Variants in SYT13 observed in about 807,000 individuals in gnomAD.
The protein encoded by SYT13 is synaptotagmin-13.
SYT13 carries 21 observed loss-of-function variants against 38.6 expected under a neutral mutation model. The observed-to-expected ratio is 0.54, with a 90% confidence interval of 0.39 to 0.78. SYT13 has a LOEUF of 0.78. SYT13 is among the 30% of genes least tolerant of loss of function. The pLI is 0.00. For synonymous variants in SYT13, 241 were observed against 237.6 expected, an observed-to-expected ratio of 1.01 and a Z score of -0.13; for missense variants, 495 against 548.7, an observed-to-expected ratio of 0.90 and a Z score of 0.98.
chr11:45,244,877 C>A (rs765973582), intron 5 of SYT13, among the ~76,000 whole-genome samples: 16 of 152,186 alleles, frequency 1.1e-4, no homozygotes, highest in African/African-American at 3.9e-4. Context: ...AGGGAACCAC[C>A]TTTGCTACAT....
intron 1 of SYT13, among the ~76,000 whole-genome samples, chr11:45,268,883 A>G (rs1854916077): frequency 6.6e-6 from 1 of 152,170 alleles, no homozygotes; most frequent in Non-Finnish European, 1.5e-5. Flanking sequence ...AGAGCCTTTT[A>G]TGGGATAAAA....
chr11:45,244,403 G>A (rs1310452387), intron 5 of SYT13, 47 bp from the exon 6 acceptor site: 11 of 1,574,166 alleles, frequency 7.0e-6, no homozygotes, highest in Non-Finnish European at 9.5e-6. Flanking sequence ...AGGGACAAGA[G>A]TGAGTTTCTG....
rs1854577377 is a variant in SYT13, at chr11:45,243,508, A to T, written c.*544T>A. 1 of 152,558 alleles carries T rather than the reference A, an allele frequency of 6.6e-6. No homozygotes were observed. The highest frequency in any genetic ancestry group is 1.5e-5 in the Non-Finnish European group (1 of 68,354). The allele number at this position is 152,558 out of a possible 1,614,324, so 9.5% of individuals were successfully genotyped here. ...TCCTGGGCTTCGACCAGGAATACCG[A>T]CTAGGAATGTCTCCAGGCGAGCCCA... On this transcript the variant is annotated 3_prime_UTR_variant, in exon 6 of 6. Coordinates refer to ENST00000020926, the MANE Select transcript of SYT13 (RefSeq NM_020826.3).
Position 45,255,788 on chromosome 11 carries a change from T to C in SYT13, c.287A>G (p.Asn96Ser), listed in dbSNP as rs769395556. ...RPAVTAPEVI[N>S]YADYSLRSTE... ...AGACCTCAGTGAATAGTCTGCATAG[T>C]TGATGACCTCTGGAGCCGTCACAGC... The change falls in exon 2 of 6, where the codon AAC (asparagine) becomes AGC (serine). Residue 96 changes from asparagine to serine, a missense_variant. Transcript: ENST00000020926. The C allele has an allele frequency of 3.1e-6, 5 of 1,614,162 alleles. No individual in the cohort carries two copies. Among genetic ancestry groups the C allele is most frequent in the Admixed American group, 3.3e-5 (2 of 60,018 alleles).
rs1439388115 is a variant in SYT13, at chr11:45,254,344, T to C, written c.470A>G (p.Asn157Ser). ...GCAGTAGTGGAGTTTGGGGGCCTGG[T>C]TCCAACTGGCAGCCTTCTCTGGGTT... ...TWNPEKAASW[N>S]QAPKLHYCLD... Residue 157 changes from asparagine to serine, a missense_variant, in exon 3 of 6, where the codon AAC (asparagine) becomes AGC (serine). By Grantham distance (46) the Asn-to-Ser change is conservative (BLOSUM62 1). Transcript: ENST00000020926. The C allele has an allele frequency of 6.8e-6, 11 of 1,613,678 alleles. No individual in the cohort carries two copies. The highest frequency in any genetic ancestry group is 1.1e-5 in the South Asian group (1 of 90,934).
intron 5 of SYT13, among the ~76,000 whole-genome samples, chr11:45,245,214 T>A (rs573975606): frequency 3.9e-5 from 6 of 152,284 alleles, no homozygotes; most frequent in African/African-American, 1.4e-4. Context: ...CACAAACAGG[T>A]CACCAGGCGA....
rs147682228 is a variant in SYT13 at position 45,262,593 on chromosome 11, G to A, written c.184-6702C>T. Among the ~76,000 whole-genome samples, 542 of 152,128 alleles carry A rather than the reference G, an allele frequency of 3.6e-3. 6 individuals carry two copies. The highest frequency in any genetic ancestry group is 0.012 in the African/African-American group (492 of 41,488). Reference sequence around the variant, plus strand: ...ATACAAAAATTATTTGGGTATGGTAGTGCACGCCTGTAGTCCCAGCTACTC... The same window carrying A: ...ATACAAAAATTATTTGGGTATGGTAATGCACGCCTGTAGTCCCAGCTACTC... On this transcript the variant is annotated intron_variant, in intron 1 of 5. Coordinates refer to ENST00000020926, the MANE Select transcript of SYT13 (RefSeq NM_020826.3).
intron 1 of SYT13, among the ~76,000 whole-genome samples, chr11:45,258,010 C>G (rs1439547317): frequency 6.6e-6 from 1 of 152,210 alleles, no homozygotes; most frequent in Non-Finnish European, 1.5e-5. Context: ...TATAAGGTAA[C>G]CCAAGCGAGG....
intron 4 of SYT13, among the ~76,000 whole-genome samples, chr11:45,247,603 T>C (rs911099083): frequency 1.3e-5 from 2 of 152,168 alleles, no homozygotes; most frequent in Non-Finnish European, 2.9e-5. Flanking sequence ...CCACCGTGAC[T>C]CCCTAAGCTT....
intron 1 of SYT13, among the ~76,000 whole-genome samples, chr11:45,268,800 G>A (rs1356997971): frequency 2.6e-5 from 4 of 152,182 alleles, no homozygotes; most frequent in Middle Eastern, 3.2e-3. Flanking sequence ...GGGGCTGGAG[G>A]AAGGATGTCC....
At chr11:45,270,229 T>C (rs1854933726) in intron 1 of SYT13, among the ~76,000 whole-genome samples, 1 of 152,256 alleles carries the variant, frequency 6.6e-6, no homozygotes, top group Admixed American at 6.5e-5. Context: ...GCATCTCAGC[T>C]CTGCATAATT....
intron 1 of SYT13, among the ~76,000 whole-genome samples, chr11:45,279,697 T>A (rs1855049666): frequency 6.6e-6 from 1 of 152,208 alleles, no homozygotes; most frequent in South Asian, 2.1e-4. Context: ...ATGGAAATAC[T>A]TCATTGTGGT....
Position 45,240,966 on chromosome 11 carries a change from T to C in SYT13, c.*3086A>G, listed in dbSNP as rs1283333659. 3 of 152,392 alleles carry C rather than the reference T, an allele frequency of 2.0e-5. No homozygotes were observed. Among genetic ancestry groups the C allele is most frequent in the African/African-American group, 4.8e-5 (2 of 41,602 alleles). 9.4% of individuals were successfully genotyped at this position (152,392 alleles called of 1,614,324 possible). On this transcript the variant is annotated 3_prime_UTR_variant, in exon 6 of 6. Transcript: ENST00000020926. ...ATGTTTCTGGTACAAGGTAAGCTGA[T>C]GCAAAGACTACTGAAATATTTTTAT...
At chr11:45,264,178 G>T (rs1462115412) in intron 1 of SYT13, among the ~76,000 whole-genome samples, 1 of 152,156 alleles carries the variant, frequency 6.6e-6, no homozygotes, top group African/African-American at 2.4e-5. Context: ...GATGGTTGGG[G>T]AAGCTCTGGT....
chr11:45,257,918 C>T (rs904487355), intron 1 of SYT13, among the ~76,000 whole-genome samples: 23 of 152,336 alleles, frequency 1.5e-4, no homozygotes, highest in Middle Eastern at 3.4e-3. Flanking sequence ...TAGAGCTTAC[C>T]CCTCTTGTAC....
intron 1 of SYT13, among the ~76,000 whole-genome samples, chr11:45,277,936 G>A (rs1376955755): frequency 1.3e-5 from 2 of 152,100 alleles, no homozygotes; most frequent in Admixed American, 1.3e-4. Flanking sequence ...GCTGAAGATG[G>A]GTCACTGTGT....
intron 4 of SYT13, among the ~76,000 whole-genome samples, chr11:45,250,917 C>T (rs928021934): frequency 6.6e-6 from 1 of 152,216 alleles, no homozygotes; most frequent in Admixed American, 6.5e-5. Flanking sequence ...CAGACCAACC[C>T]GGCCTCAAGG....
chr11:45,243,915 T>C lies in SYT13; in HGVS notation c.*137A>G. On this transcript the variant is annotated 3_prime_UTR_variant, in exon 6 of 6. Transcript: ENST00000020926. ...TGCTTATTTCTAAGAAACAAGAGTA[T>C]GATGAGAGAGCCATCCCAGCCTTGC... 1.1e-6 allele frequency: 1 copy of C among 883,972 alleles called. No individual in the cohort carries two copies. 54.8% of individuals were successfully genotyped at this position (883,972 alleles called of 1,614,324 possible). A position where few individuals can be genotyped will look rare whatever the true frequency, so the allele number is the denominator to read the frequency against.
In SYT13 at chr11:45,286,244, C is replaced by G. The variant is rs373009256; in HGVS notation, c.-37G>C. The stretch of plus-strand genomic sequence containing the variant: ...CCGGCGAGGGGCTGGGTCCCGCAGC[C>G]GCTCACCTTCCCCGGGCCGGGCCCG... On this transcript the variant is annotated 5_prime_UTR_variant, in exon 1 of 6. Transcript: ENST00000020926. The G allele has an allele frequency of 7.2e-5, 107 of 1,496,440 alleles. No homozygotes were observed. Among genetic ancestry groups the G allele is most frequent in the East Asian group, 7.1e-4 (28 of 39,714 alleles). 92.7% of individuals were successfully genotyped at this position (1,496,440 alleles called of 1,614,324 possible).
Sources: gnomAD v4.1 joint callset for allele counts (sites outside exome capture counted in the v4.1 genomes callset) on GRCh38, gnomAD v4.1.1 for gene constraint, MANE v1.5 for transcripts, NCBI Gene and HGNC (gene_info 2026-07-23, HGNC 2026-07-21) for gene names.